Variants in DLC1 observed in about 807,000 individuals in gnomAD.
DLC1 encodes rho GTPase-activating protein 7.
In DLC1, 54 loss-of-function variants were observed where a neutral mutation model predicts 140.3. The ratio of observed to expected loss-of-function variants is 0.38; its 90% CI spans 0.31 to 0.48. DLC1 has a LOEUF of 0.48. Ranked by LOEUF, DLC1 falls within the 20% of genes least tolerant of loss-of-function variation. DLC1 has a pLI of 0.96. For missense variants in DLC1, 2,536 were observed against 1,907.0 expected (o/e 1.33, Z -6.14); for synonymous variants, 986 against 728.1 (o/e 1.35, Z -5.70).
chr8:13,525,035 G>A (rs148461730), intron 1 of DLC1, among the ~76,000 whole-genome samples: 226 of 152,200 alleles, frequency 1.5e-3, no homozygotes, highest in African/African-American at 5.3e-3. Flanking sequence ...CGACTGATCT[G>A]CTTTCTGTCA....
intron 5 of DLC1, among the ~76,000 whole-genome samples, chr8:13,224,877 C>G (rs1046688476): frequency 2.0e-5 from 3 of 152,152 alleles, no homozygotes; most frequent in Non-Finnish European, 2.9e-5. Flanking sequence ...TAGTTAACCA[C>G]CAAGGGCAGA....
intron 5 of DLC1, among the ~76,000 whole-genome samples, chr8:13,258,215 T>C (rs1000391122): frequency 3.8e-4 from 58 of 152,154 alleles, no homozygotes; most frequent in African/African-American, 1.4e-3. Flanking sequence ...ATCTTTCAAA[T>C]ACCCCCTCCT....
intron 2 of DLC1, among the ~76,000 whole-genome samples, chr8:13,426,474 T>A (rs1428630336): frequency 1.3e-5 from 2 of 152,226 alleles, no homozygotes; most frequent in Admixed American, 6.5e-5. Context: ...AAATACCTTC[T>A]TTTTATCTCA....
At chr8:13,552,397 A>G (rs958591855) in intron 1 of DLC1, among the ~76,000 whole-genome samples, 4 of 150,610 alleles carry the variant, frequency 2.7e-5, no homozygotes, top group Non-Finnish European at 5.9e-5. Flanking sequence ...CAAAGTTTTA[A>G]TAAATTGAAT....
intron 5 of DLC1, among the ~76,000 whole-genome samples, chr8:13,169,991 G>A (rs963598437): frequency 3.9e-5 from 6 of 152,036 alleles, no homozygotes; most frequent in African/African-American, 1.4e-4. Context: ...TGGCACTCCA[G>A]CCTGGCAACA....
intron 5 of DLC1, among the ~76,000 whole-genome samples, chr8:13,238,199 A>C (rs1829379494): frequency 1.3e-5 from 2 of 152,286 alleles, no homozygotes; most frequent in South Asian, 4.1e-4. Context: ...CATGATTTTA[A>C]GGGAAATTTA....
chr8:13,155,000 TATC>T lies in DLC1; in HGVS notation c.1349-39346_1349-39344del, dbSNP rs1327092504. On this transcript the variant is annotated intron_variant, in intron 5 of 17. Transcript: ENST00000276297. ...AGTGAAACTTTCGTATATGAGGTAG[TATC>T]ATTCAAATCATTTTCTATGCAATTA... Among the ~76,000 whole-genome samples the T allele has an allele frequency of 5.9e-5, 9 of 152,304 alleles. No homozygotes were observed. The East Asian group carries it at 1.7e-3, about 29-fold the overall frequency.
Position 13,480,101 on chromosome 8 carries a change from G to T in DLC1, c.1023+18948C>A, listed in dbSNP as rs114374737. Among the ~76,000 whole-genome samples, 814 of 152,232 alleles carry T rather than the reference G, an allele frequency of 5.3e-3. 5 individuals are homozygous for T. The highest frequency in any genetic ancestry group is 0.018 in the African/African-American group (759 of 41,536). ...CAAAACAACTTATTTACAAAAGACA[G>T]ACATCAGTGTGACATATAGATCTTC... On this transcript the variant is annotated intron_variant, in intron 2 of 17. Transcript: ENST00000276297.
chr8:13,087,581 C>T (rs1817668920), intron 16 of DLC1, among the ~76,000 whole-genome samples: 1 of 152,218 alleles, frequency 6.6e-6, no homozygotes, highest in Non-Finnish European at 1.5e-5. Flanking sequence ...ATGAGGAACT[C>T]TGTACAGAGC....
At chr8:13,406,181 G>GTTTTTTTTTTTTGTTTTT (rs1837551072) in intron 2 of DLC1, among the ~76,000 whole-genome samples, 5 of 84,958 alleles carry the variant, frequency 5.9e-5, no homozygotes, top group African/African-American at 1.9e-4. Context: ...TAATTTTTGT[G>GTTTTTTTTTTTTGTTTTT]TTTTTTTTTT....
chr8:13,329,329 G>T (rs1408514418), intron 4 of DLC1, among the ~76,000 whole-genome samples: 1 of 151,996 alleles, frequency 6.6e-6, no homozygotes, highest in Non-Finnish European at 1.5e-5. Context: ...TGATAATATT[G>T]GTCCAGATCA....
chr8:13,193,096 T>A (rs549394642), intron 5 of DLC1, among the ~76,000 whole-genome samples: 51 of 152,256 alleles, frequency 3.3e-4, no homozygotes, highest in South Asian at 1.0e-3. Context: ...ACTCAGGACT[T>A]TTCTTCTTTA....
At chr8:13,323,440 T>C (rs1445690994) in intron 4 of DLC1, among the ~76,000 whole-genome samples, 2 of 152,348 alleles carry the variant, frequency 1.3e-5, no homozygotes, top group South Asian at 2.1e-4. Context: ...TCTTTCATAG[T>C]AGACAAAATG....
At chr8:13,335,381 A>G (rs1833776485) in intron 4 of DLC1, among the ~76,000 whole-genome samples, 1 of 152,188 alleles carries the variant, frequency 6.6e-6, no homozygotes. Flanking sequence ...GGGTATAGAA[A>G]CCAAGGACAT....
chr8:13,158,004 A>C (rs532610967), intron 5 of DLC1, among the ~76,000 whole-genome samples: 20 of 152,344 alleles, frequency 1.3e-4, no homozygotes, highest in Admixed American at 1.1e-3. Context: ...GGAATATTTC[A>C]GGGTTTGGAA....
intron 2 of DLC1, among the ~76,000 whole-genome samples, chr8:13,455,661 CTT>C (rs1474449858): frequency 6.6e-6 from 1 of 152,218 alleles, no homozygotes; most frequent in African/African-American, 2.4e-5. Flanking sequence ...TAGTTTTTCT[CTT>C]TTCAACAGTT....
At chr8:13,127,979 G>T (rs1821727754) in intron 5 of DLC1, among the ~76,000 whole-genome samples, 1 of 151,896 alleles carries the variant, frequency 6.6e-6, no homozygotes, top group Non-Finnish European at 1.5e-5. Flanking sequence ...AAGGCACCAA[G>T]TAGAGAAATG....
intron 5 of DLC1, among the ~76,000 whole-genome samples, chr8:13,197,829 G>A (rs74863812): frequency 0.08 from 12,214 of 152,124 alleles, 672 homozygotes; most frequent in South Asian, 0.15. Flanking sequence ...GAGACTTCAG[G>A]AACAGCCAAA....
chr8:13,331,955 C>T lies in DLC1; in HGVS notation c.1315-26653G>A, dbSNP rs188453210. Among the ~76,000 whole-genome samples the T allele has an allele frequency of 1.5e-3, 224 of 152,234 alleles. 1 individual carries two copies. The highest frequency in any genetic ancestry group is 0.013 in the Admixed American group (203 of 15,284). ...ACATGTTGAGAATGTGACCAGGGGA[C>T]AATGTATGTAACTTCTACACACAAA... On this transcript the variant is annotated intron_variant, in intron 4 of 17. Transcript: ENST00000276297.
Sources: gnomAD v4.1 joint callset for allele counts (sites outside exome capture counted in the v4.1 genomes callset) on GRCh38, gnomAD v4.1.1 for gene constraint, MANE v1.5 for transcripts, NCBI Gene and HGNC (gene_info 2026-07-23, HGNC 2026-07-21) for gene names.